The following RYR2 variants were observed in gnomAD, a reference collection of about 807,000 sequenced individuals.
RYR2 encodes ryanodine receptor 2.
In RYR2, 227 loss-of-function variants were observed where a neutral mutation model predicts 601.1. The ratio of observed to expected loss-of-function variants is 0.38; its 90% CI spans 0.34 to 0.42. The LOEUF is 0.42. RYR2 is among the 10% of genes least tolerant of loss of function. The pLI is 1.00. For missense variants in RYR2, 4,646 were observed against 6,156.5 expected (o/e 0.75, Z 8.21); for synonymous variants, 2,223 against 2,175.1 (o/e 1.02, Z -0.61).
chr1:237,821,529 T>C (rs1307644180), intron 101 of RYR2, among the ~76,000 whole-genome samples: 1 of 151,722 alleles, frequency 6.6e-6, no homozygotes, highest in African/African-American at 2.4e-5. Flanking sequence ...GTCACCAATA[T>C]CAAAGACTAA....
chr1:237,814,984 T>G (rs895972811), intron 100 of RYR2, among the ~76,000 whole-genome samples: 45 of 112,452 alleles, frequency 4.0e-4, no homozygotes, highest in Middle Eastern at 5.9e-3. Flanking sequence ...TTTTTTTTTT[T>G]GCCAAGATGA....
chr1:237,598,592 T>A (rs2148491622), intron 34 of RYR2, among the ~76,000 whole-genome samples: 1 of 152,112 alleles, frequency 6.6e-6, no homozygotes, highest in East Asian at 1.9e-4. Flanking sequence ...AAAAAAGAAA[T>A]TAAAAATTTT....
At chr1:237,792,973 C>T (rs181551450) in intron 94 of RYR2, among the ~76,000 whole-genome samples, 1 of 152,182 alleles carries the variant, frequency 6.6e-6, no homozygotes, top group Admixed American at 6.5e-5. Context: ...TCCCCAGAGG[C>T]CTGCCAAGGG....
intron 1 of RYR2, among the ~76,000 whole-genome samples, chr1:237,244,913 A>T: frequency 6.6e-6 from 1 of 152,150 alleles, no homozygotes; most frequent in East Asian, 1.9e-4. Context: ...CCAAGGATTC[A>T]TTGTCTTATT....
chr1:237,340,807 T>C (rs1697703048), intron 3 of RYR2, among the ~76,000 whole-genome samples: 1 of 152,184 alleles, frequency 6.6e-6, no homozygotes, highest in Non-Finnish European at 1.5e-5. Flanking sequence ...TCTGCAAAAT[T>C]GATGCAGTGA....
chr1:237,822,465 A>C (rs917787963), intron 101 of RYR2, among the ~76,000 whole-genome samples: 8 of 151,956 alleles, frequency 5.3e-5, no homozygotes, highest in African/African-American at 1.9e-4. Flanking sequence ...AATCCTTTAC[A>C]GACAAGCAAA....
Position 237,465,649 on chromosome 1 carries a change from T to C in RYR2, c.1613-3443T>C, listed in dbSNP as rs73108484. Among the ~76,000 whole-genome samples, 156 of 151,880 alleles carry C rather than the reference T, an allele frequency of 1.0e-3. No homozygotes were observed. The East Asian group carries it at 0.012, about 12-fold the overall frequency. On this transcript the variant is annotated intron_variant, in intron 16 of 104. Transcript: ENST00000366574. ...ATGCTATACGGGATGGCCTACTGCATGGCTATGCTATACGGGATGGCCTAC... is the reference window on the plus strand; with the variant it reads ...ATGCTATACGGGATGGCCTACTGCACGGCTATGCTATACGGGATGGCCTAC...
intron 1 of RYR2, among the ~76,000 whole-genome samples, chr1:237,050,434 A>G (rs928892712): frequency 2.0e-5 from 3 of 152,192 alleles, no homozygotes; most frequent in African/African-American, 7.2e-5. Flanking sequence ...GCATGTGGTC[A>G]CTGAGGGAGA....
intron 1 of RYR2, among the ~76,000 whole-genome samples, chr1:237,150,067 A>G (rs990502873): frequency 1.3e-5 from 2 of 152,254 alleles, no homozygotes; most frequent in Non-Finnish European, 2.9e-5. Context: ...CACAGTGCCA[A>G]GTATTCTCTG....
chr1:237,331,841 C>G (rs1173443691), intron 3 of RYR2, among the ~76,000 whole-genome samples: 15 of 152,058 alleles, frequency 9.9e-5, no homozygotes, highest in Non-Finnish European at 2.2e-4. Flanking sequence ...TTTCCTAATG[C>G]AAGTATTTTT....
chr1:237,669,959 G>GCGAGC (rs1438892111), intron 58 of RYR2, among the ~76,000 whole-genome samples: 11 of 152,238 alleles, frequency 7.2e-5, no homozygotes, highest in African/African-American at 2.6e-4. Context: ...GGAGGTTGTA[G>GCGAGC]CGAGCCGAGA....
At chr1:237,158,156 A>G (rs986502103) in intron 1 of RYR2, among the ~76,000 whole-genome samples, 2 of 152,236 alleles carry the variant, frequency 1.3e-5, no homozygotes, top group Non-Finnish European at 2.9e-5. Context: ...TACATGGCAT[A>G]GAAAGTACCA....
chr1:237,084,290 A>G lies in RYR2; in HGVS notation c.48+41721A>G, dbSNP rs547621371. 3.3e-5 allele frequency among the ~76,000 whole-genome samples: 5 copies of G among 152,294 alleles called. No individual in the cohort carries two copies. In the East Asian group the frequency reaches 5.8e-4, roughly 18 times the overall value. ...CTGGCTTCTCCACTTTCATCCATGC[A>G]TCTTTCATTTTCCTGACTTCTAATG... On this transcript the variant is annotated intron_variant, in intron 1 of 104. Transcript: ENST00000366574.
intron 16 of RYR2, among the ~76,000 whole-genome samples, chr1:237,458,740 TAA>T (rs56396692): frequency 0.49 from 72,932 of 149,110 alleles, 18,627 homozygotes; most frequent in East Asian, 0.65. Flanking sequence ...CAAAAAAAGT[TAA>T]AAAAAAAAAG....
chr1:237,525,597 T>TCCA (rs1667493963), intron 24 of RYR2, among the ~76,000 whole-genome samples: 1 of 151,902 alleles, frequency 6.6e-6, no homozygotes, highest in Non-Finnish European at 1.5e-5. Context: ...ATTACAGGTG[T>TCCA]CCACCACCAC....
intron 1 of RYR2, among the ~76,000 whole-genome samples, chr1:237,110,174 A>T (rs911384144): frequency 2.0e-5 from 3 of 152,098 alleles, no homozygotes; most frequent in Non-Finnish European, 4.4e-5. Context: ...TGTGCATCTG[A>T]ATCCCCTGGA....
chr1:237,629,658 G>T (rs1305475047), intron 41 of RYR2, among the ~76,000 whole-genome samples: 1 of 151,958 alleles, frequency 6.6e-6, no homozygotes, highest in African/African-American at 2.4e-5. Context: ...GAAACTTAGA[G>T]TTAATTCTTT....
At chr1:237,474,650 A>G (rs770355991) in intron 17 of RYR2, among the ~76,000 whole-genome samples, 17 of 152,136 alleles carry the variant, frequency 1.1e-4, no homozygotes, top group Non-Finnish European at 1.8e-4. Flanking sequence ...TCTGGCCTGT[A>G]ATATCAGCTA....
At chr1:237,253,956 CTT>C (rs1417796199) in intron 1 of RYR2, among the ~76,000 whole-genome samples, 1 of 152,088 alleles carries the variant, frequency 6.6e-6, no homozygotes, top group East Asian at 1.9e-4. Context: ...AAATTGCAAA[CTT>C]ATATTTCACT....
Sources: allele counts gnomAD v4.1 joint callset (sites outside exome capture counted in the v4.1 genomes callset), GRCh38; gene constraint gnomAD v4.1.1; transcripts MANE v1.5; gene names NCBI Gene and HGNC (gene_info 2026-07-23, HGNC 2026-07-21).